Variants in FOXN3 observed in about 807,000 individuals in gnomAD.
The protein encoded by FOXN3 is forkhead box N3, also known as forkhead box protein N3.
A neutral mutation model predicts 38.4 loss-of-function variants in FOXN3; 7 were observed. The ratio of observed to expected loss-of-function variants is 0.18; its 90% CI spans 0.10 to 0.34. The LOEUF (loss-of-function observed/expected upper bound fraction) is 0.34, where lower values mean the gene tolerates loss of function less well. Among genes scored for constraint, FOXN3 ranks in the 10% least tolerant of loss-of-function variants. The pLI is 1.00. For missense variants in FOXN3, 456 were observed against 613.4 expected, an observed-to-expected ratio of 0.74 and a Z score of 2.71; for synonymous variants, 230 against 242.2, an observed-to-expected ratio of 0.95 and a Z score of 0.47.
chr14:89,510,526 G>A (rs1047440346), intron 1 of FOXN3, among the ~76,000 whole-genome samples: 4 of 152,092 alleles, frequency 2.6e-5, no homozygotes, highest in South Asian at 2.1e-4. Context: ...ACACAGCTCC[G>A]ATCACACATG....
rs536386573 is a variant in FOXN3, at chr14:89,401,733, G to A, written c.543+10201C>T. On this transcript the variant is annotated intron_variant, in intron 2 of 5. Transcript: ENST00000557258. ...GGGTGTTTTCTGTCTAATGACATTAGTTAAATCACTTATCGGTCCTGTCCC... is the reference window on the plus strand; with the variant it reads ...GGGTGTTTTCTGTCTAATGACATTAATTAAATCACTTATCGGTCCTGTCCC... 4.2e-3 allele frequency: 1,905 copies of A among 450,148 alleles called. 4 individuals carry two copies. Among genetic ancestry groups the A allele is most frequent in the Non-Finnish European group, 6.9e-3 (1,549 of 223,662 alleles). 27.9% of individuals were successfully genotyped at this position (450,148 alleles called of 1,614,324 possible).
At chr14:89,205,177 A>C (rs1039987755) in intron 4 of FOXN3, among the ~76,000 whole-genome samples, 2 of 151,328 alleles carry the variant, frequency 1.3e-5, no homozygotes, top group African/African-American at 4.9e-5. Flanking sequence ...CAAGTTCCTT[A>C]CTTTCTAGCC....
intron 1 of FOXN3, among the ~76,000 whole-genome samples, chr14:89,459,448 G>A (rs1892793080): frequency 6.6e-6 from 1 of 152,158 alleles, no homozygotes; most frequent in Non-Finnish European, 1.5e-5. Flanking sequence ...TTAGGATCTG[G>A]TACCATAGTG....
chr14:89,549,132 G>A (rs959253507), intron 1 of FOXN3, among the ~76,000 whole-genome samples: 26 of 148,398 alleles, frequency 1.8e-4, no homozygotes, highest in Non-Finnish European at 3.0e-4. Flanking sequence ...AAAAAAAAAA[G>A]AATTTTATAA....
intron 2 of FOXN3, among the ~76,000 whole-genome samples, chr14:89,381,641 CT>C (rs1890652226): frequency 6.6e-6 from 1 of 151,722 alleles, no homozygotes; most frequent in South Asian, 2.1e-4. Context: ...GGAACATCAC[CT>C]GAGCCCAGCA....
At chr14:89,580,393 C>T (rs931545789) in intron 1 of FOXN3, among the ~76,000 whole-genome samples, 1 of 152,294 alleles carries the variant, frequency 6.6e-6, no homozygotes, top group South Asian at 2.1e-4. Flanking sequence ...CGAAGGAAAC[C>T]ACCACCAAGG....
intron 4 of FOXN3, among the ~76,000 whole-genome samples, chr14:89,249,472 G>A (rs975563483): frequency 2.6e-5 from 4 of 152,226 alleles, no homozygotes; most frequent in Non-Finnish European, 4.4e-5. Flanking sequence ...CGCAGACACC[G>A]TGATACTACT....
intron 2 of FOXN3, among the ~76,000 whole-genome samples, chr14:89,376,726 T>C (rs1018273118): frequency 1.3e-4 from 19 of 151,912 alleles, no homozygotes; most frequent in African/African-American, 4.6e-4. Flanking sequence ...TTAAATAAGC[T>C]TGAGCTGCCG....
intron 4 of FOXN3, among the ~76,000 whole-genome samples, chr14:89,234,032 A>G (rs1884904626): frequency 6.6e-6 from 1 of 151,498 alleles, no homozygotes; most frequent in African/African-American, 2.4e-5. Context: ...ACCTACATAC[A>G]GGATAGAAAG....
chr14:89,171,892 A>G lies in FOXN3; in HGVS notation c.851+8809T>C, dbSNP rs57987496. Among the ~76,000 whole-genome samples, 476 of 152,320 alleles carry G rather than the reference A, an allele frequency of 3.1e-3. 4 individuals carry two copies. Among genetic ancestry groups the G allele is most frequent in the African/African-American group, 0.011 (462 of 41,578 alleles). On this transcript the variant is annotated intron_variant, in intron 5 of 5. Coordinates refer to ENST00000557258, the MANE Select transcript of FOXN3 (RefSeq NM_005197.4). ...CCTGGACTGTGCAATAGGACAGGAA[A>G]AAGAAAAGATACAATAATTAGGGAA...
rs555320728 is a variant in FOXN3, at chr14:89,373,296, G to A, written c.544-22488C>T. 4.0e-5 allele frequency among the ~76,000 whole-genome samples: 6 copies of A among 148,612 alleles called. No individual in the cohort carries two copies. The South Asian group carries it at 1.1e-3, about 27-fold the overall frequency. On this transcript the variant is annotated intron_variant, in intron 2 of 5. Coordinates refer to ENST00000557258, the MANE Select transcript of FOXN3 (RefSeq NM_005197.4). ...AAGACTTCTTCATCTAAGGCCAAAT[G>A]ATCAAGTGAAAGCTATCACAGCTTT...
At chr14:89,608,575 G>T (rs941629649) in intron 1 of FOXN3, among the ~76,000 whole-genome samples, 2 of 152,192 alleles carry the variant, frequency 1.3e-5, no homozygotes, top group African/African-American at 4.8e-5. Flanking sequence ...TAAAACCACA[G>T]ACTTCAACTG....
chr14:89,511,202 CTTTT>C lies in FOXN3; in HGVS notation c.-14-98716_-14-98713del, dbSNP rs1213453797. On this transcript the variant is annotated intron_variant, in intron 1 of 6. Transcript: ENST00000345097. ...CTTTCTTTCTTTCTTTTCTTTCTTT[CTTTT>C]CTTTCTTTCTTTCTTTCTTTCTTTT... Among the ~76,000 whole-genome samples, 4 of 8,586 alleles carry C rather than the reference CTTTT, an allele frequency of 4.7e-4. 1 individual carries two copies. The highest frequency in any genetic ancestry group is 1.1e-3 in the East Asian group (1 of 930). 5.6% of individuals were successfully genotyped at this position (8,586 alleles called of 152,430 possible).
chr14:89,491,038 G>C (rs1020023793), intron 1 of FOXN3, among the ~76,000 whole-genome samples: 2 of 152,076 alleles, frequency 1.3e-5, no homozygotes, highest in East Asian at 3.9e-4. Context: ...GCAATGGCAC[G>C]ATCTCGGCTC....
intron 1 of FOXN3, among the ~76,000 whole-genome samples, chr14:89,473,138 C>T (rs539657254): frequency 6.6e-6 from 1 of 152,002 alleles, no homozygotes; most frequent in South Asian, 2.1e-4. Context: ...CATTCTCCTG[C>T]CTCAGCCTCC....
intron 4 of FOXN3, among the ~76,000 whole-genome samples, chr14:89,247,270 C>T (rs1292182679): frequency 1.3e-5 from 2 of 152,114 alleles, no homozygotes; most frequent in African/African-American, 2.4e-5. Context: ...GACAATTATC[C>T]TTTTTCCCTC....
At chr14:89,281,173 C>A (rs978094597) in intron 3 of FOXN3, among the ~76,000 whole-genome samples, 159 bp from the exon 4 acceptor site, 1 of 152,150 alleles carries the variant, frequency 6.6e-6, no homozygotes, top group African/African-American at 2.4e-5. Context: ...TTATTGTAAA[C>A]AGGCTTCATA....
chr14:89,586,611 T>C (rs1225601883), intron 1 of FOXN3, among the ~76,000 whole-genome samples: 1 of 152,260 alleles, frequency 6.6e-6, no homozygotes, highest in Non-Finnish European at 1.5e-5. Flanking sequence ...TGCTGTTTTT[T>C]TGTTTGCTTA....
chr14:89,558,611 A>G (rs1447454064), intron 1 of FOXN3, among the ~76,000 whole-genome samples: 3 of 152,242 alleles, frequency 2.0e-5, no homozygotes, highest in African/African-American at 4.8e-5. Flanking sequence ...AGACTGGACT[A>G]GGTGATGAGG....
Sources: gnomAD v4.1 joint callset for allele counts (sites outside exome capture counted in the v4.1 genomes callset) on GRCh38, gnomAD v4.1.1 for gene constraint, MANE v1.5 for transcripts, NCBI Gene and HGNC (gene_info 2026-07-23, HGNC 2026-07-21) for gene names.